The following LSAMP variants were observed in gnomAD, a reference collection of about 807,000 sequenced individuals.
The protein encoded by LSAMP is limbic system-associated membrane protein.
In LSAMP, 7 loss-of-function variants were observed where a neutral mutation model predicts 38.6. The observed-to-expected ratio is 0.18, with a 90% CI of 0.10 to 0.34. The LOEUF (loss-of-function observed/expected upper bound fraction) is 0.34, where lower values mean the gene tolerates loss of function less well. Ranked by LOEUF, LSAMP falls within the 10% of genes least tolerant of loss-of-function variation. The pLI is 1.00. For synonymous variants in LSAMP, 154 were observed against 166.8 expected (o/e 0.92, Z 0.59); for missense variants, 313 against 420.0 (o/e 0.75, Z 2.23).
intron 3 of LSAMP, among the ~76,000 whole-genome samples, chr3:115,916,840 G>A (rs575334173): frequency 5.3e-5 from 8 of 152,272 alleles, no homozygotes; most frequent in Admixed American, 3.9e-4. Flanking sequence ...TCACCCAAGC[G>A]TTACACACAT....
chr3:116,273,823 C>T (rs2047012116), intron 1 of LSAMP, among the ~76,000 whole-genome samples: 1 of 149,822 alleles, frequency 6.7e-6, no homozygotes, highest in African/African-American at 2.5e-5. Flanking sequence ...TTCTCTCTCT[C>T]TCTCTCTCTT....
intron 1 of LSAMP, among the ~76,000 whole-genome samples, chr3:116,203,681 G>A (rs1343342311): frequency 6.6e-6 from 1 of 151,604 alleles, no homozygotes; most frequent in Non-Finnish European, 1.5e-5. Context: ...ATAGTTTACT[G>A]AGAATGATGA....
chr3:116,134,897 C>T (rs1036311641), intron 1 of LSAMP, among the ~76,000 whole-genome samples: 12 of 152,154 alleles, frequency 7.9e-5, no homozygotes, highest in Non-Finnish European at 1.0e-4. Context: ...GAAATTAGTA[C>T]TTCTATGGGA....
At chr3:116,354,522 A>G (rs2048193355) in intron 1 of LSAMP, among the ~76,000 whole-genome samples, 1 of 152,206 alleles carries the variant, frequency 6.6e-6, no homozygotes, top group Non-Finnish European at 1.5e-5. Context: ...GCAATGAAGA[A>G]GCTTAAATAT....
intron 1 of LSAMP, among the ~76,000 whole-genome samples, chr3:116,356,724 A>G (rs1032026901): frequency 6.6e-6 from 1 of 152,222 alleles, no homozygotes; most frequent in Non-Finnish European, 1.5e-5. Flanking sequence ...CCTACTATGT[A>G]TCCATAATCA....
intron 1 of LSAMP, among the ~76,000 whole-genome samples, chr3:116,241,168 A>C: frequency 6.7e-6 from 1 of 149,018 alleles, no homozygotes; most frequent in African/African-American, 2.5e-5. Flanking sequence ...CAAGTGTGAA[A>C]CTCCATTTAA....
chr3:115,966,478 A>G (rs1178856828), intron 3 of LSAMP, among the ~76,000 whole-genome samples: 12 of 152,202 alleles, frequency 7.9e-5, no homozygotes, highest in Non-Finnish European at 1.5e-5. Context: ...TTGACCTTCC[A>G]TAAAGTTAAA....
chr3:116,062,523 A>T (rs184809399), intron 2 of LSAMP, among the ~76,000 whole-genome samples: 1 of 152,218 alleles, frequency 6.6e-6, no homozygotes, highest in East Asian at 1.9e-4. Context: ...CTCAAAAAAA[A>T]ATTAAAAATT....
At chr3:116,160,956 A>T (rs1709873456) in intron 1 of LSAMP, among the ~76,000 whole-genome samples, 1 of 152,178 alleles carries the variant, frequency 6.6e-6, no homozygotes, top group Admixed American at 6.5e-5. Context: ...TCCAATAAAA[A>T]TTTTTGCAAT....
At chr3:116,143,300 A>G (rs1392862290) in intron 1 of LSAMP, among the ~76,000 whole-genome samples, 1 of 151,886 alleles carries the variant, frequency 6.6e-6, no homozygotes, top group Non-Finnish European at 1.5e-5. Flanking sequence ...TCTGTTTTCA[A>G]ATATGTTTGC....
chr3:116,083,920 A>C (rs1707928798), intron 2 of LSAMP, among the ~76,000 whole-genome samples: 1 of 152,130 alleles, frequency 6.6e-6, no homozygotes, highest in Non-Finnish European at 1.5e-5. Context: ...TATGTACGTA[A>C]TTGTCCAAAA....
intron 1 of LSAMP, among the ~76,000 whole-genome samples, chr3:116,182,335 T>G (rs576071296): frequency 5.9e-4 from 90 of 151,622 alleles, no homozygotes; most frequent in African/African-American, 1.8e-3. Context: ...CATTTATTTC[T>G]TTATAAAAAC....
rs2107642099 is a variant in LSAMP, at chr3:116,245,003, G to A, written c.156-158447C>T. ...TCATCATAGTTATTAGGTTATCAGG[G>A]GATTTCATTCCTCCAAAATATATAT... On this transcript the variant is annotated intron_variant, in intron 1 of 6. Coordinates refer to ENST00000490035, the MANE Select transcript of LSAMP (RefSeq NM_002338.5). Among the ~76,000 whole-genome samples, 6 of 152,146 alleles carry A rather than the reference G, an allele frequency of 3.9e-5. No individual in the cohort carries two copies. In the South Asian group the frequency reaches 1.2e-3, roughly 32 times the overall value.
chr3:116,433,059 T>C (rs2049302651), intron 1 of LSAMP, among the ~76,000 whole-genome samples: 2 of 152,202 alleles, frequency 1.3e-5, no homozygotes, highest in Non-Finnish European at 2.9e-5. Context: ...GGCAACCATA[T>C]GTGGCTTACG....
At chr3:115,982,394 C>A (rs1034819913) in intron 3 of LSAMP, among the ~76,000 whole-genome samples, 2 of 152,122 alleles carry the variant, frequency 1.3e-5, no homozygotes, top group African/African-American at 4.8e-5. Flanking sequence ...CCTATTAGTC[C>A]ACACTGATTT....
intron 6 of LSAMP, chr3:115,838,204 C>A (rs935019851): frequency 1.3e-5 from 2 of 152,210 alleles, no homozygotes; most frequent in African/African-American, 4.8e-5. Flanking sequence ...GTATCTGAAA[C>A]ATTTAGCATA....
At chr3:115,882,485 A>G (rs941182608) in intron 3 of LSAMP, among the ~76,000 whole-genome samples, 5 of 152,164 alleles carry the variant, frequency 3.3e-5, no homozygotes, top group African/African-American at 9.6e-5. Flanking sequence ...ACAATTTCCA[A>G]TTTCTCTGAA....
intron 3 of LSAMP, among the ~76,000 whole-genome samples, chr3:115,920,295 C>CT (rs1937353189): frequency 6.6e-6 from 1 of 152,176 alleles, no homozygotes. Flanking sequence ...CACCATTTTA[C>CT]TTTCCCACCA....
chr3:115,988,387 C>G (rs1473350521), intron 3 of LSAMP, among the ~76,000 whole-genome samples: 1 of 152,068 alleles, frequency 6.6e-6, no homozygotes, highest in Non-Finnish European at 1.5e-5. Context: ...AAGCTTGCTT[C>G]TGGAACAAAA....
Sources: gnomAD v4.1 joint callset for allele counts (sites outside exome capture counted in the v4.1 genomes callset) on GRCh38, gnomAD v4.1.1 for gene constraint, MANE v1.5 for transcripts, NCBI Gene and HGNC (gene_info 2026-07-23, HGNC 2026-07-21) for gene names.